The following CLVS1 variants were observed in gnomAD, a reference collection of about 807,000 sequenced individuals.
CLVS1 encodes clavesin 1.
A neutral mutation model predicts 33.1 loss-of-function variants in CLVS1; 10 were observed. The observed-to-expected ratio is 0.30, with a 90% CI of 0.19 to 0.51. The LOEUF (loss-of-function observed/expected upper bound fraction) is 0.51, where lower values mean the gene tolerates loss of function less well. CLVS1 is among the 20% of genes least tolerant of loss of function. The pLI is 0.97. For synonymous variants in CLVS1, 163 were observed against 166.1 expected (o/e 0.98, Z 0.14); for missense variants, 343 against 433.4 (o/e 0.79, Z 1.85).
At chr8:61,043,018 G>A in the CLVS1 span, among the ~76,000 whole-genome samples, 1 of 152,170 alleles carries the variant, frequency 6.6e-6, no homozygotes, top group Non-Finnish European at 1.5e-5. Flanking sequence ...GTTGGTTATA[G>A]GTCTGAGTTG....
intron 3 of CLVS1, among the ~76,000 whole-genome samples, chr8:61,446,198 T>G (rs937479613): frequency 2.0e-5 from 3 of 152,186 alleles, no homozygotes; most frequent in African/African-American, 7.2e-5. Context: ...ATGCTTACTT[T>G]GGCTTTATTT....
chr8:61,065,144 C>G (rs186143724), intron 1 of CLVS1, among the ~76,000 whole-genome samples: 21 of 152,332 alleles, frequency 1.4e-4, no homozygotes, highest in Admixed American at 3.3e-4. Flanking sequence ...CACAGATGCT[C>G]AAGTCCCTTA....
At chr8:61,146,745 G>A (rs1368033807) in intron 2 of CLVS1, among the ~76,000 whole-genome samples, 1 of 152,076 alleles carries the variant, frequency 6.6e-6, no homozygotes, top group African/African-American at 2.4e-5. Context: ...GGTGTCCCCA[G>A]CCATGCTGGC....
chr8:61,493,841 T>C (rs905475544), intron 5 of CLVS1, among the ~76,000 whole-genome samples: 1 of 152,166 alleles, frequency 6.6e-6, no homozygotes, highest in Non-Finnish European at 1.5e-5. Context: ...GGAAAACAGA[T>C]GGGTAGAACC....
rs1815560851 is a variant in CLVS1 at position 61,419,303 on chromosome 8, A to G, written c.631-34838A>G. On this transcript the variant is annotated intron_variant, in intron 3 of 5. Transcript: ENST00000325897. ...TCCCAGCTACTCAGGAGGCTGCGGCAGGAGAATCGCTTGAACCCAGGAGGC... is the reference window on the plus strand; with the variant it reads ...TCCCAGCTACTCAGGAGGCTGCGGCGGGAGAATCGCTTGAACCCAGGAGGC... Among the ~76,000 whole-genome samples, 8 of 151,114 alleles carry G rather than the reference A, an allele frequency of 5.3e-5. No homozygotes were observed. In the South Asian group the frequency reaches 1.5e-3, roughly 28 times the overall value.
intron 3 of CLVS1, among the ~76,000 whole-genome samples, chr8:61,387,632 C>T (rs1814142151): frequency 6.6e-6 from 1 of 152,098 alleles, no homozygotes; most frequent in Admixed American, 6.6e-5. Context: ...ACAACCCCCT[C>T]CTAAACTTCC....
intron 1 of CLVS1, among the ~76,000 whole-genome samples, chr8:61,104,896 T>G (rs555487928): frequency 1.3e-5 from 2 of 152,320 alleles, no homozygotes; most frequent in African/African-American, 4.8e-5. Context: ...TGGTATGATC[T>G]CGGCTCACTG....
the CLVS1 span, among the ~76,000 whole-genome samples, chr8:60,974,924 G>A: frequency 6.6e-6 from 1 of 152,192 alleles, no homozygotes; most frequent in African/African-American, 2.4e-5. Flanking sequence ...GGAGGGGCTT[G>A]GATGAATTGC....
At chr8:61,210,875 G>C (rs1807956396) in intron 2 of CLVS1, among the ~76,000 whole-genome samples, 1 of 152,124 alleles carries the variant, frequency 6.6e-6, no homozygotes, top group African/African-American at 2.4e-5. Context: ...ACAGCTTGTA[G>C]AGTAGGAGAA....
At chr8:61,277,169 C>G (rs1809574799) in intron 2 of CLVS1, among the ~76,000 whole-genome samples, 1 of 152,218 alleles carries the variant, frequency 6.6e-6, no homozygotes, top group Admixed American at 6.5e-5. Context: ...GCACCAAGCA[C>G]TACCTTTAGG....
At chr8:61,017,125 G>A in the CLVS1 span, among the ~76,000 whole-genome samples, 1 of 152,198 alleles carries the variant, frequency 6.6e-6, no homozygotes, top group Non-Finnish European at 1.5e-5. Flanking sequence ...GGGCTGCACT[G>A]GGGGAGAGCC....
At chr8:61,001,779 C>A in the CLVS1 span, among the ~76,000 whole-genome samples, 3 of 152,256 alleles carry the variant, frequency 2.0e-5, no homozygotes, top group Admixed American at 6.5e-5. Flanking sequence ...TTTTCCCCAA[C>A]CCGCAGTGCT....
At chr8:61,033,461 G>A in the CLVS1 span, among the ~76,000 whole-genome samples, 1 of 151,708 alleles carries the variant, frequency 6.6e-6, no homozygotes, top group South Asian at 2.1e-4. Context: ...CAAGTCACAG[G>A]GCTGGGGAGG....
In CLVS1 at chr8:61,159,218, C is replaced by G. The variant is rs148826748; in HGVS notation, c.-152+27358C>G. Among the ~76,000 whole-genome samples the G allele has an allele frequency of 7.9e-5, 12 of 152,294 alleles. No individual in the cohort carries two copies. In the South Asian group the frequency reaches 2.5e-3, roughly 32 times the overall value. Reference sequence around the variant, plus strand: ...GTTCCTTGGTTGTGCTTACAAGTGACATTGTTGGGCAGAACCACATGTTTA... The same window carrying G: ...GTTCCTTGGTTGTGCTTACAAGTGAGATTGTTGGGCAGAACCACATGTTTA... On this transcript the variant is annotated intron_variant, in intron 2 of 2. Coordinates refer to the CLVS1 transcript ENST00000522621.
intron 2 of CLVS1, among the ~76,000 whole-genome samples, chr8:61,332,042 G>C (rs114644624): frequency 6.6e-6 from 1 of 152,198 alleles, no homozygotes; most frequent in East Asian, 1.9e-4. Flanking sequence ...AGGGCAGCAC[G>C]CTAGCTTTGC....
chr8:61,063,160 C>T (rs1319339372), intron 1 of CLVS1, among the ~76,000 whole-genome samples: 1 of 152,020 alleles, frequency 6.6e-6, no homozygotes, highest in Non-Finnish European at 1.5e-5. Flanking sequence ...TTTGCTCTCG[C>T]TCCCCTGGTG....
chr8:60,982,621 C>A, the CLVS1 span, among the ~76,000 whole-genome samples: 1 of 152,136 alleles, frequency 6.6e-6, no homozygotes, highest in Non-Finnish European at 1.5e-5. Context: ...CCCCCAGCCC[C>A]TGATACCTAA....
At chr8:61,162,464 G>A (rs893823075) in intron 2 of CLVS1, among the ~76,000 whole-genome samples, 1 of 152,128 alleles carries the variant, frequency 6.6e-6, no homozygotes, top group Admixed American at 6.6e-5. Context: ...AGAGAAACTA[G>A]GACTGAAAAA....
chr8:61,165,218 G>A (rs1443486265), intron 2 of CLVS1, among the ~76,000 whole-genome samples: 1 of 152,246 alleles, frequency 6.6e-6, no homozygotes, highest in South Asian at 2.1e-4. Flanking sequence ...CCGGAAGAAT[G>A]GAAGTCAGCG....
Sources: gnomAD v4.1 joint callset for allele counts (sites outside exome capture counted in the v4.1 genomes callset) on GRCh38, gnomAD v4.1.1 for gene constraint, MANE v1.5 for transcripts, NCBI Gene and HGNC (gene_info 2026-07-23, HGNC 2026-07-21) for gene names.